Variants in UBR2 observed in about 807,000 individuals in gnomAD.
The protein encoded by UBR2 is ubiquitin protein ligase E3 component n-recognin 2, also known as E3 ubiquitin-protein ligase UBR2.
Under a neutral mutation model 247.9 loss-of-function variants are expected in UBR2, and 92 were observed. The ratio of observed to expected loss-of-function variants is 0.37; its 90% CI spans 0.31 to 0.44. The LOEUF is 0.44. Ranked by LOEUF, UBR2 falls within the 20% of genes least tolerant of loss-of-function variation. The pLI is 1.00. For synonymous variants in UBR2, 672 were observed against 693.5 expected, an observed-to-expected ratio of 0.97 and a Z score of 0.49; for missense variants, 1,613 against 2,112.6, an observed-to-expected ratio of 0.76 and a Z score of 4.64.
At chr6:42,589,528 G>A (rs1792519743) in intron 2 of UBR2, among the ~76,000 whole-genome samples, 1 of 152,152 alleles carries the variant, frequency 6.6e-6, no homozygotes. Flanking sequence ...AATGAGTTAG[G>A]AAGTATTCCC....
intron 2 of UBR2, among the ~76,000 whole-genome samples, chr6:42,585,029 A>G (rs1582455723): frequency 6.6e-6 from 1 of 152,036 alleles, no homozygotes; most frequent in Non-Finnish European, 1.5e-5. Context: ...CTTGTTCCCA[A>G]TCTTAGGGAG....
chr6:42,630,241 A>G (rs976096040), intron 11 of UBR2, among the ~76,000 whole-genome samples: 3 of 150,184 alleles, frequency 2.0e-5, no homozygotes, highest in Admixed American at 2.0e-4. Flanking sequence ...CTGGAGTGCA[A>G]TGGCATGATC....
chr6:42,658,244 T>G lies in UBR2; in HGVS notation c.2987T>G (p.Phe996Cys). The G allele has an allele frequency of 6.2e-7, 1 of 1,613,804 alleles. No individual in the cohort carries two copies. The highest frequency in any genetic ancestry group is 1.1e-5 in the South Asian group (1 of 90,976). Residue 996 changes from phenylalanine (F) to cysteine (C), a missense_variant, in exon 28 of 47, where the codon TTT becomes TGT. Physicochemically the swap from Phe to Cys is radical, Grantham distance 205. Transcript: ENST00000372901. ...CTGATACTTTTTTTTTTGTAGACTT[T>G]TAATGCTGTTAAAAAGATGAGGGAG... ...KDMIRWILKT[F>C]NAVKKMRESS...
At chr6:42,623,123 G>A (rs1169496187) in intron 11 of UBR2, among the ~76,000 whole-genome samples, 1 of 152,160 alleles carries the variant, frequency 6.6e-6, no homozygotes, top group African/African-American at 2.4e-5. Flanking sequence ...TTAAATACAA[G>A]TGGTAGATAA....
chr6:42,606,273 G>T (rs748080828), intron 6 of UBR2, among the ~76,000 whole-genome samples: 1 of 152,002 alleles, frequency 6.6e-6, no homozygotes, highest in Non-Finnish European at 1.5e-5. Context: ...TTGAATATTG[G>T]CCCAAATGTA....
At chr6:42,590,414 C>T (rs1162271952) in intron 2 of UBR2, among the ~76,000 whole-genome samples, 1 of 151,992 alleles carries the variant, frequency 6.6e-6, no homozygotes, top group Non-Finnish European at 1.5e-5. Context: ...TATATGAAAG[C>T]AAAAAGACTG....
In UBR2 at chr6:42,691,839, T is replaced by G. The variant is rs1582751882; in HGVS notation, c.*666T>G. On this transcript the variant is annotated 3_prime_UTR_variant, in exon 47 of 47. Transcript: ENST00000372901. Reference sequence around the variant, plus strand: ...GACTTTTGGCTTTGAGAAAACTCACTTAGAGGGCTTTCCAAAAACTTAGGA... The same window carrying G: ...GACTTTTGGCTTTGAGAAAACTCACGTAGAGGGCTTTCCAAAAACTTAGGA... 1 of 151,418 alleles carries G rather than the reference T, an allele frequency of 6.6e-6. No homozygotes were observed. Among genetic ancestry groups the G allele is most frequent in the East Asian group, 1.9e-4 (1 of 5,168 alleles). The allele number at this position is 151,418 out of a possible 1,614,324, so 9.4% of individuals were successfully genotyped here.
At chr6:42,636,046 A>G (rs1796066902) in intron 14 of UBR2, among the ~76,000 whole-genome samples, 1 of 152,200 alleles carries the variant, frequency 6.6e-6, no homozygotes, top group African/African-American at 2.4e-5. Flanking sequence ...CAGCTGCATT[A>G]TAGTCTGTGA....
intron 2 of UBR2, among the ~76,000 whole-genome samples, chr6:42,578,849 G>C (rs551236565): frequency 1.2e-4 from 19 of 152,228 alleles, no homozygotes; most frequent in Middle Eastern, 3.4e-3. Context: ...TGTAATCCCA[G>C]CTACTCAGGA....
At chr6:42,603,826 C>G in intron 5 of UBR2, 108 bp downstream of exon 5, 1 of 1,098,588 alleles carries the variant, frequency 9.1e-7, no homozygotes, top group Non-Finnish European at 1.3e-6. Flanking sequence ...TTTAGCAGAA[C>G]AATAACCTCA....
At chr6:42,613,978 C>A (rs989097668) in intron 8 of UBR2, among the ~76,000 whole-genome samples, 1 of 151,074 alleles carries the variant, frequency 6.6e-6, no homozygotes, top group Non-Finnish European at 1.5e-5. Context: ...AGTTCAAGAC[C>A]AGCCTGGCCA....
Position 42,659,897 on chromosome 6 carries a change from CT to C in UBR2, c.3442+43del, listed in dbSNP as rs1390763113. On this transcript the variant is annotated intron_variant, in intron 30 of 46. Transcript: ENST00000372901. The surrounding 1 kb of genome is among the most constrained non-coding windows in gnomAD (Gnocchi z 4.3). ...TCCTCATCTTCCCTTTTAATAACAA[CT>C]GCCAGTTAATGTGGTTGGTGATACG... is the stretch of plus-strand genomic sequence containing the variant. 6 of 1,581,066 alleles carry C rather than the reference CT, an allele frequency of 3.8e-6. No individual in the cohort carries two copies. In the African/African-American group the frequency reaches 4.0e-5, roughly 11 times the overall value.
intron 15 of UBR2, among the ~76,000 whole-genome samples, chr6:42,639,983 G>A (rs900078100): frequency 4.6e-5 from 7 of 152,062 alleles, no homozygotes; most frequent in East Asian, 3.9e-4. Flanking sequence ...ATCCAAGATC[G>A]CGCCACTGCA....
At position 42,569,299 on chromosome 6, in the gene UBR2, T is replaced by G. The variant is rs1004298583; in HGVS notation, c.79-4435T>G. Reference sequence around the variant, plus strand: ...ACCAGTAGTGCATGAGAGTTCCAATTTCTCCAGATCCTTGCCAACACTTGT... The same window carrying G: ...ACCAGTAGTGCATGAGAGTTCCAATGTCTCCAGATCCTTGCCAACACTTGT... On this transcript the variant is annotated intron_variant, in intron 1 of 46. Transcript: ENST00000372901. 3.9e-5 allele frequency among the ~76,000 whole-genome samples: 6 copies of G among 152,224 alleles called. 1 individual carries two copies. Among genetic ancestry groups the G allele is most frequent in the Non-Finnish European group, 7.3e-5 (5 of 68,048 alleles).
Position 42,574,000 on chromosome 6 carries a change from T to C in UBR2, c.338+7T>C. 1 of 1,555,204 alleles carries C rather than the reference T, an allele frequency of 6.4e-7. No homozygotes were observed. The highest frequency in any genetic ancestry group is 1.4e-5 in the African/African-American group (1 of 72,128). On this transcript the variant is annotated splice_region_variant and intron_variant, in intron 2 of 46. Coordinates refer to ENST00000372901, the MANE Select transcript of UBR2 (RefSeq NM_001363705.2). ...AGCCTACATATTCTTGCAGGTAAAA[T>C]ATTTTAATTTTCTTTCTAGGAGGCT... is the stretch of plus-strand genomic sequence containing the variant.
intron 33 of UBR2, 43 bp downstream of exon 33, chr6:42,665,555 G>T: frequency 1.4e-6 from 2 of 1,416,174 alleles, no homozygotes; most frequent in South Asian, 1.3e-5. Flanking sequence ...TAAAGTCCGA[G>T]GTCATCAGAA....
rs189758486 is a variant in UBR2 at position 42,601,838 on chromosome 6, G to A, written c.532-1750G>A. 8.6e-5 allele frequency among the ~76,000 whole-genome samples: 13 copies of A among 151,578 alleles called. No homozygotes were observed. In the East Asian group the frequency reaches 2.1e-3, roughly 25 times the overall value. On this transcript the variant is annotated intron_variant, in intron 4 of 46. Transcript: ENST00000372901. ...TCAAGCTCTAGACCCATCTGTTTTA[G>A]GCATCTTTGTCCTTTTTTCTCCATT... is the stretch of plus-strand genomic sequence containing the variant.
At chr6:42,600,620 T>C (rs1247139390) in intron 4 of UBR2, among the ~76,000 whole-genome samples, 2 of 82,732 alleles carry the variant, frequency 2.4e-5, no homozygotes, top group African/African-American at 1.3e-4. Context: ...ACTGGGTTAC[T>C]GTAGCAAAAA....
chr6:42,603,576 T>G lies in UBR2; in HGVS notation c.532-12T>G. Reference sequence around the variant, plus strand: ...TTTTTTCTTTTTCTTTTTTTTCTGTTGTTTCTTTCAGGATCCTCTTGTTCA... The same window carrying G: ...TTTTTTCTTTTTCTTTTTTTTCTGTGGTTTCTTTCAGGATCCTCTTGTTCA... On this transcript the variant is annotated splice_polypyrimidine_tract_variant and intron_variant, in intron 4 of 46. Transcript: ENST00000372901. 1 of 1,546,848 alleles carries G rather than the reference T, an allele frequency of 6.5e-7. No individual in the cohort carries two copies. Among genetic ancestry groups the G allele is most frequent in the Non-Finnish European group, 8.6e-7 (1 of 1,159,664 alleles).
Sources: allele counts gnomAD v4.1 joint callset (sites outside exome capture counted in the v4.1 genomes callset), GRCh38; gene constraint gnomAD v4.1.1; non-coding constraint Gnocchi (gnomAD v3.1); transcripts MANE v1.5; gene names NCBI Gene and HGNC (gene_info 2026-07-23, HGNC 2026-07-21).